Variants in GFRA2 observed in about 807,000 individuals in gnomAD.
The protein encoded by GFRA2 is GDNF family receptor alpha 2, also known as GDNF family receptor alpha-2.
Under a neutral mutation model 48.3 loss-of-function variants are expected in GFRA2, and 17 were observed. The observed-to-expected ratio is 0.35, with a 90% CI of 0.24 to 0.53. The LOEUF (loss-of-function observed/expected upper bound fraction) is 0.53. GFRA2 is among the 20% of genes least tolerant of loss of function. The pLI, the probability that GFRA2 is intolerant of heterozygous loss-of-function variation, is 0.93. For missense variants in GFRA2, 660 were observed against 637.3 expected (o/e 1.04, Z -0.38); for synonymous variants, 305 against 257.2 (o/e 1.19, Z -1.78).
chr8:21,768,376 G>C (rs1806281328), intron 3 of GFRA2, among the ~76,000 whole-genome samples: 1 of 152,222 alleles, frequency 6.6e-6, no homozygotes, highest in East Asian at 1.9e-4. Flanking sequence ...GGGGCAGGGA[G>C]AGCTGCTGCT....
At chr8:21,806,511 A>G (rs1479899916) in intron 1 of GFRA2, among the ~76,000 whole-genome samples, 3 of 152,168 alleles carry the variant, frequency 2.0e-5, no homozygotes, top group Non-Finnish European at 4.4e-5. Context: ...TGTCACCCAG[A>G]CTGGAGTGCA....
rs1807380902 is a variant in GFRA2, at chr8:21,788,183, TTG to T, written c.-26_-25del. On this transcript the variant is annotated 5_prime_UTR_variant, in exon 1 of 9. Coordinates refer to ENST00000524240, the MANE Select transcript of GFRA2 (RefSeq NM_001495.5). ...ATGTTAAATAAATCCCACCGTTTTT[TTG>T]TCTTTCTCCCTTGGGTAAAAAAAAA... The T allele has an allele frequency of 6.2e-7, 1 of 1,601,188 alleles. No individual in the cohort carries two copies. Among genetic ancestry groups the T allele is most frequent in the Non-Finnish European group, 8.5e-7 (1 of 1,174,430 alleles).
At chr8:21,787,218 G>C (rs1451513392) in intron 1 of GFRA2, among the ~76,000 whole-genome samples, 1 of 150,126 alleles carries the variant, frequency 6.7e-6, no homozygotes, top group Non-Finnish European at 1.5e-5. Flanking sequence ...AACTGCGTGG[G>C]GCTCAGTGGC....
rs116216473 is a variant in GFRA2, at chr8:21,730,820, T to G, written c.794+19768A>C. ...GGTTCTCCTCAAATCGTATCTTCCC[T>G]CCTTCCTTTCCCCACATTTCAGAAA... On this transcript the variant is annotated intron_variant, in intron 4 of 8. Coordinates refer to ENST00000524240, the MANE Select transcript of GFRA2 (RefSeq NM_001495.5). 7.1e-3 allele frequency among the ~76,000 whole-genome samples: 1,086 copies of G among 152,286 alleles called. 14 individuals carry two copies. The highest frequency in any genetic ancestry group is 0.025 in the African/African-American group (1,028 of 41,550).
chr8:21,714,923 C>T (rs914387390), intron 4 of GFRA2, among the ~76,000 whole-genome samples: 1 of 152,126 alleles, frequency 6.6e-6, no homozygotes, highest in Non-Finnish European at 1.5e-5. Context: ...GTTTCATAGA[C>T]AATTTATGGA....
upstream of GFRA2, among the ~76,000 whole-genome samples, chr8:21,790,306 G>A (rs1419583824): frequency 6.6e-6 from 1 of 152,328 alleles, no homozygotes; most frequent in South Asian, 2.1e-4. Flanking sequence ...CTGGGGTGGG[G>A]TACACGCAGC....
At chr8:21,733,613 C>CG (rs1308648090) in intron 4 of GFRA2, among the ~76,000 whole-genome samples, 1 of 152,162 alleles carries the variant, frequency 6.6e-6, no homozygotes, top group Admixed American at 6.5e-5. Flanking sequence ...TGGCTGAGCC[C>CG]GGGCCCACTG....
chr8:21,808,785 C>A (rs1807923104), intron 1 of GFRA2, among the ~76,000 whole-genome samples: 1 of 152,234 alleles, frequency 6.6e-6, no homozygotes, highest in Non-Finnish European at 1.5e-5. Context: ...CTTCCCACAC[C>A]CGAGCTGCGT....
chr8:21,740,330 A>G (rs543942197), intron 4 of GFRA2, among the ~76,000 whole-genome samples: 6 of 152,146 alleles, frequency 3.9e-5, no homozygotes, highest in African/African-American at 1.4e-4. Flanking sequence ...CTTTCCACTA[A>G]TGTCTTTCCC....
In GFRA2 at chr8:21,750,988, G is replaced by C; in HGVS notation, c.440-46C>G. On this transcript the variant is annotated intron_variant, in intron 3 of 8. Coordinates refer to ENST00000524240, the MANE Select transcript of GFRA2 (RefSeq NM_001495.5). This position sits in a 1 kb window ranked among gnomAD's most constrained non-coding sequence, Gnocchi z 5.7. ...CAGGTCAGAGGCCACACAAGCATGA[G>C]GAGGACACAGCTGCCCCCTCACTGG... 2 of 1,292,440 alleles carry C rather than the reference G, an allele frequency of 1.5e-6. No individual in the cohort carries two copies. The highest frequency in any genetic ancestry group is 2.2e-6 in the Non-Finnish European group (2 of 911,048). 80.1% of individuals were successfully genotyped at this position (1,292,440 alleles called of 1,614,324 possible). A position where few individuals can be genotyped will look rare whatever the true frequency, so the allele number is the denominator to read the frequency against.
chr8:21,701,800 G>A (rs1488610915), intron 7 of GFRA2, among the ~76,000 whole-genome samples: 2 of 152,142 alleles, frequency 1.3e-5, no homozygotes, highest in Admixed American at 6.6e-5. Context: ...CTGATGGCTC[G>A]GCAAACTGCA....
intron 4 of GFRA2, among the ~76,000 whole-genome samples, chr8:21,723,874 A>G (rs1369150113): frequency 1.3e-5 from 2 of 152,170 alleles, no homozygotes; most frequent in African/African-American, 4.8e-5. Flanking sequence ...GGTCAAAGGC[A>G]ATCTTGGTGT....
chr8:21,717,313 C>G (rs1019621734), intron 4 of GFRA2, among the ~76,000 whole-genome samples: 1 of 152,160 alleles, frequency 6.6e-6, no homozygotes, highest in Non-Finnish European at 1.5e-5. Flanking sequence ...AGCTACATTG[C>G]TATCAAAATG....
rs566771572 is a variant in GFRA2, at chr8:21,722,967, G to T, written c.795-16926C>A. Among the ~76,000 whole-genome samples the T allele has an allele frequency of 6.6e-5, 10 of 152,282 alleles. No homozygotes were observed. In the South Asian group the frequency reaches 2.1e-3, roughly 32 times the overall value. On this transcript the variant is annotated intron_variant, in intron 4 of 8. Transcript: ENST00000524240. ...AGTGGGCTGGATAAAAATCAGAGGG[G>T]ACACAGCAGACCACTCAGGCCAGGG...
intron 1 of GFRA2, among the ~76,000 whole-genome samples, chr8:21,784,683 G>A (rs2117080147): frequency 6.6e-6 from 1 of 152,224 alleles, no homozygotes; most frequent in Admixed American, 6.5e-5. Flanking sequence ...GGCTTCTTCG[G>A]GGCCCAGAGC....
At chr8:21,791,188 C>A (rs1171704604), upstream of GFRA2, among the ~76,000 whole-genome samples, 2 of 152,144 alleles carry the variant, frequency 1.3e-5, no homozygotes, top group Admixed American at 6.5e-5. Context: ...ATATGTAGTT[C>A]TCCCCTCCCA....
At chr8:21,713,142 G>A (rs1204964268) in intron 4 of GFRA2, among the ~76,000 whole-genome samples, 1 of 152,052 alleles carries the variant, frequency 6.6e-6, no homozygotes, top group Non-Finnish European at 1.5e-5. Flanking sequence ...ATTTAACTGG[G>A]CATCCAATAT....
At chr8:21,713,086 C>G (rs76915674) in intron 4 of GFRA2, among the ~76,000 whole-genome samples, 14 of 146,140 alleles carry the variant, frequency 9.6e-5, no homozygotes, top group Non-Finnish European at 1.6e-4. Flanking sequence ...GAGGGAGAGG[C>G]AGAGGGAGAG....
chr8:21,728,023 C>T (rs1470810015), intron 4 of GFRA2, among the ~76,000 whole-genome samples: 1 of 152,098 alleles, frequency 6.6e-6, no homozygotes, highest in African/African-American at 2.4e-5. Context: ...AAATAAACTC[C>T]TCATCACATA....
Sources: gnomAD v4.1 joint callset for allele counts (sites outside exome capture counted in the v4.1 genomes callset) on GRCh38, gnomAD v4.1.1 for gene constraint, Gnocchi (gnomAD v3.1) non-coding constraint, MANE v1.5 for transcripts, NCBI Gene and HGNC (gene_info 2026-07-23, HGNC 2026-07-21) for gene names.